Variants in UNC79 observed in about 807,000 individuals in gnomAD.
The protein encoded by UNC79 is protein unc-79 homolog.
In UNC79, 37 loss-of-function variants were observed where a neutral mutation model predicts 283.1. The ratio of observed to expected loss-of-function variants is 0.13; its 90% CI spans 0.10 to 0.17. The LOEUF (loss-of-function observed/expected upper bound fraction) is 0.17. Among genes scored for constraint, UNC79 ranks in the 10% least tolerant of loss-of-function variants. The probability of loss-of-function intolerance (pLI) is 1.00; values close to 1 mark genes in which losing one functional copy is unlikely to be tolerated. For synonymous variants in UNC79, 1,107 were observed against 1,200.2 expected (o/e 0.92, Z 1.61); for missense variants, 2,272 against 3,211.1 (o/e 0.71, Z 7.07).
chr14:93,675,186 ACCTAT>A (rs1327088922), intron 41 of UNC79, among the ~76,000 whole-genome samples: 1 of 152,088 alleles, frequency 6.6e-6, no homozygotes, highest in African/African-American at 2.4e-5. Flanking sequence ...TTTACTGACC[ACCTAT>A]CTTGGGCTGG....
chr14:93,634,387 A>G, intron 31 of UNC79, 134 bp from the exon 34 acceptor site: 1 of 655,064 alleles, frequency 1.5e-6, no homozygotes, highest in Non-Finnish European at 2.7e-6. Context: ...TTTTCATTTG[A>G]ACAGAAGCAT....
intron 20 of UNC79, among the ~76,000 whole-genome samples, chr14:93,584,697 T>TTTTTC (rs2064089270): frequency 6.6e-6 from 1 of 152,186 alleles, no homozygotes; most frequent in Admixed American, 6.5e-5. Context: ...AGCAATTTCT[T>TTTTTC]TTTTCTTTTC....
intron 1 of UNC79, among the ~76,000 whole-genome samples, chr14:93,386,761 TACAG>T (rs1180783819): frequency 6.6e-6 from 1 of 152,100 alleles, no homozygotes; most frequent in Admixed American, 6.6e-5. Flanking sequence ...TGGTATTAGT[TACAG>T]TGCCTCCTTT....
chr14:93,571,875 G>A lies in UNC79; in HGVS notation c.1756-19G>A. 1 of 1,613,478 alleles carries A rather than the reference G, an allele frequency of 6.2e-7. No homozygotes were observed. The highest frequency in any genetic ancestry group is 8.5e-7 in the Non-Finnish European group (1 of 1,179,622). On this transcript the variant is annotated intron_variant, in intron 14 of 48. Coordinates refer to ENST00000555664, the Ensembl canonical transcript of UNC79. ...GTGTGTTTCATTCTTTTCCCCTGTG[G>A]CTATGGAAACCTCTTCAGGTTGGTG...
rs183442212 is a variant in UNC79, at chr14:93,370,362, A to G, written c.-351+36839A>G. Among the ~76,000 whole-genome samples the G allele has an allele frequency of 2.0e-5, 3 of 152,226 alleles. No individual in the cohort carries two copies. In the East Asian group the frequency reaches 5.8e-4, roughly 29 times the overall value. On this transcript the variant is annotated intron_variant, in intron 1 of 49. Transcript: ENST00000256339. Reference sequence around the variant, plus strand: ...TAAGCAGAGAGGTGGAAACCTTAAGAAAGAGCCAAAAAAAAGTGCTAGGAA... The same window carrying G: ...TAAGCAGAGAGGTGGAAACCTTAAGGAAGAGCCAAAAAAAAGTGCTAGGAA...
At chr14:93,572,551 A>C (rs2063265726) in intron 15 of UNC79, 142 bp from the exon 16 acceptor site, 2 of 1,200,770 alleles carry the variant, frequency 1.7e-6, no homozygotes, top group African/African-American at 1.5e-5. Context: ...GTAAAGTGAA[A>C]TATGCTGATA....
chr14:93,370,460 A>C (rs890495831), intron 1 of UNC79, among the ~76,000 whole-genome samples: 4 of 152,222 alleles, frequency 2.6e-5, no homozygotes, highest in African/African-American at 9.6e-5. Flanking sequence ...AGCTGAAGAA[A>C]GATCTCTGCG....
At chr14:93,690,000 T>C in intron 44 of UNC79, 117 bp from the exon 48 acceptor site, 1 of 1,178,666 alleles carries the variant, frequency 8.5e-7, no homozygotes, top group Non-Finnish European at 1.2e-6. Context: ...GGCGTTTTGT[T>C]TTATGTGATT....
Position 93,340,033 on chromosome 14 carries a change from A to G in UNC79, c.-351+6510A>G, listed in dbSNP as rs115485984. ...TCAAAAAATGTTTGACCTTGTAGAA[A>G]GACACAAAAGTGCATGGACCTGGTT... On this transcript the variant is annotated intron_variant, in intron 1 of 49. Transcript: ENST00000256339. 5.9e-3 allele frequency among the ~76,000 whole-genome samples: 901 copies of G among 152,324 alleles called. 12 individuals carry two copies. The highest frequency in any genetic ancestry group is 0.048 in the Middle Eastern group (14 of 292).
chr14:93,676,503 G>C (rs547723009), intron 41 of UNC79, among the ~76,000 whole-genome samples: 1 of 152,194 alleles, frequency 6.6e-6, no homozygotes, highest in Admixed American at 6.5e-5. Flanking sequence ...TGAGAGTGTT[G>C]CAGTTGGAGA....
intron 1 of UNC79, among the ~76,000 whole-genome samples, chr14:93,341,463 GA>G (rs945109031): frequency 1.3e-5 from 2 of 151,206 alleles, no homozygotes; most frequent in Non-Finnish European, 3.0e-5. Flanking sequence ...GTCTCAAAAA[GA>G]AAAAAAATGA....
intron 31 of UNC79, among the ~76,000 whole-genome samples, chr14:93,631,907 G>C (rs1040399808): frequency 6.6e-6 from 1 of 152,206 alleles, no homozygotes; most frequent in African/African-American, 2.4e-5. Flanking sequence ...AGTCATAATA[G>C]TAATTATAGC....
chr14:93,699,257 C>T (rs1351755741), intron 47 of UNC79, among the ~76,000 whole-genome samples: 1 of 152,066 alleles, frequency 6.6e-6, no homozygotes, highest in African/African-American at 2.4e-5. Flanking sequence ...TGTTCTTTGT[C>T]TCCTGTCCTC....
chr14:93,445,338 C>T lies in UNC79; in HGVS notation c.22+14287C>T, dbSNP rs183973905. 4.3e-4 allele frequency among the ~76,000 whole-genome samples: 65 copies of T among 152,246 alleles called. No individual in the cohort carries two copies. The East Asian group carries it at 0.012, about 28-fold the overall frequency. On this transcript the variant is annotated intron_variant, in intron 1 of 48. Transcript: ENST00000555664. The stretch of plus-strand genomic sequence containing the variant: ...ACTGCACTGGCTAGGACCTTCAGAA[C>T]AATGCTAAATAAAAGTGATGTGAGT...
chr14:93,574,907 A>C, intron 16 of UNC79, 151 bp from the exon 17 acceptor site: 3 of 837,234 alleles, frequency 3.6e-6, no homozygotes, highest in Non-Finnish European at 5.3e-6. Context: ...TTAGTATGAA[A>C]ATTGGAGGAT....
intron 37 of UNC79, among the ~76,000 whole-genome samples, chr14:93,654,572 T>G (rs1294229130): frequency 6.7e-6 from 1 of 150,118 alleles, no homozygotes; most frequent in Non-Finnish European, 1.5e-5. Flanking sequence ...TTTAAATAAT[T>G]TAAATTTTAA....
intron 1 of UNC79, among the ~76,000 whole-genome samples, chr14:93,372,300 C>T (rs1019900676): frequency 2.6e-5 from 4 of 152,030 alleles, no homozygotes; most frequent in Admixed American, 6.6e-5. Context: ...ATATTACATA[C>T]AGTAACAAAC....
chr14:93,485,735 T>C (rs2058384358), intron 4 of UNC79, among the ~76,000 whole-genome samples: 2 of 152,198 alleles, frequency 1.3e-5, no homozygotes, highest in Non-Finnish European at 2.9e-5. Context: ...CAAACTAGTT[T>C]ATCTCCCTGA....
chr14:93,474,058 T>C lies in UNC79; in HGVS notation c.144-31T>C, dbSNP rs1262142942. 2.7e-6 allele frequency: 4 copies of C among 1,502,740 alleles called. No homozygotes were observed. The highest frequency in any genetic ancestry group is 3.5e-6 in the Non-Finnish European group (4 of 1,128,792). 93.1% of individuals were successfully genotyped at this position (1,502,740 alleles called of 1,614,324 possible). A position where few individuals can be genotyped will look rare whatever the true frequency, so the allele number is the denominator to read the frequency against. The stretch of plus-strand genomic sequence containing the variant: ...AATGTGCTGTTCTTTGTGTCTTTGT[T>C]GTCTCTTTTTTTTCTTTGTCCCCCC... On this transcript the variant is annotated intron_variant, in intron 2 of 48. Transcript: ENST00000555664. The surrounding 1 kb of genome is among the most constrained non-coding windows in gnomAD (Gnocchi z 4.1).
Sources: allele counts gnomAD v4.1 joint callset (sites outside exome capture counted in the v4.1 genomes callset), GRCh38; gene constraint gnomAD v4.1.1; non-coding constraint Gnocchi (gnomAD v3.1); transcripts MANE v1.5; gene names NCBI Gene and HGNC (gene_info 2026-07-23, HGNC 2026-07-21).